Variants in GPHN observed in about 807,000 individuals in gnomAD.
GPHN encodes the protein gephyrin.
GPHN carries 17 observed loss-of-function variants against 95.5 expected under a neutral mutation model. The ratio of observed to expected loss-of-function variants is 0.18; its 90% CI spans 0.12 to 0.27. The LOEUF (loss-of-function observed/expected upper bound fraction) is 0.27. Ranked by LOEUF, GPHN falls within the 10% of genes least tolerant of loss-of-function variation. GPHN has a pLI of 1.00. For synonymous variants in GPHN, 320 were observed against 322.5 expected (o/e 0.99, Z 0.08); for missense variants, 660 against 978.1 (o/e 0.67, Z 4.34).
At chr14:67,478,868 C>T in the GPHN span, among the ~76,000 whole-genome samples, 6 of 152,258 alleles carry the variant, frequency 3.9e-5, no homozygotes, top group Non-Finnish European at 8.8e-5. Flanking sequence ...AACGCCAGCA[C>T]CAGCAGCCTC....
the GPHN span, chr14:67,562,965 CATGCACTG>C: frequency 6.8e-7 from 1 of 1,477,250 alleles, no homozygotes; most frequent in Non-Finnish European, 9.1e-7. Context: ...TGAGCACAGC[CATGCACTG>C]AGCAGGAGAG....
chr14:67,358,884 C>G, the GPHN span, among the ~76,000 whole-genome samples: 1 of 152,182 alleles, frequency 6.6e-6, no homozygotes, highest in Admixed American at 6.5e-5. Flanking sequence ...TGAGCGTATT[C>G]CCAAGCATGA....
intron 1 of GPHN, among the ~76,000 whole-genome samples, chr14:66,554,443 G>A (rs1184181010): frequency 6.6e-6 from 1 of 152,162 alleles, no homozygotes; most frequent in Non-Finnish European, 1.5e-5. Context: ...ACATGGCTAG[G>A]GAGGCCTCAG....
At chr14:66,732,500 T>A (rs1365387321) in intron 2 of GPHN, among the ~76,000 whole-genome samples, 1 of 152,240 alleles carries the variant, frequency 6.6e-6, no homozygotes, top group Non-Finnish European at 1.5e-5. Context: ...TGTGCCACCA[T>A]TGTAACTTAA....
At chr14:67,152,312 C>T (rs1283357899) in intron 18 of GPHN, among the ~76,000 whole-genome samples, 1 of 152,064 alleles carries the variant, frequency 6.6e-6, no homozygotes, top group Non-Finnish European at 1.5e-5. Context: ...TATTATTGAA[C>T]CTTCACTATA....
chr14:66,617,647 C>G (rs1345277459), intron 1 of GPHN, among the ~76,000 whole-genome samples: 2 of 152,188 alleles, frequency 1.3e-5, no homozygotes, highest in South Asian at 4.1e-4. Context: ...TGTTTCTACT[C>G]TGCCATCTAG....
At chr14:67,393,029 G>T in the GPHN span, 1 of 922,656 alleles carries the variant, frequency 1.1e-6, no homozygotes, top group Non-Finnish European at 1.8e-6. Flanking sequence ...GCCATCTCAG[G>T]CTAGCCTGTT....
chr14:67,446,021 T>C, the GPHN span: 6 of 517,472 alleles, frequency 1.2e-5, no homozygotes, highest in South Asian at 8.4e-5. Flanking sequence ...CCAGATCTTT[T>C]GTTCATTTTA....
chr14:67,581,091 C>T, the GPHN span: 2 of 1,134,672 alleles, frequency 1.8e-6, no homozygotes, highest in African/African-American at 3.0e-5. Context: ...CCACTGGGTG[C>T]CAGCTCATCG....
At chr14:66,508,716 G>A (rs532459476) in intron 1 of GPHN, 125 bp downstream of exon 1, 3 of 877,592 alleles carry the variant, frequency 3.4e-6, no homozygotes, top group Non-Finnish European at 5.8e-6. Flanking sequence ...GGAACCGCGG[G>A]GGTGCATTTT....
At position 67,149,977 on chromosome 14, in the gene GPHN, A is replaced by G. The variant is rs530417180; in HGVS notation, c.1836+6528A>G. Among the ~76,000 whole-genome samples, 19 of 152,276 alleles carry G rather than the reference A, an allele frequency of 1.2e-4. No homozygotes were observed. The South Asian group carries it at 3.9e-3, about 32-fold the overall frequency. ...ATAACTATATTCTTTTTAAAAAGCT[A>G]ATAACTTAAAATGATGCTTAATAAT... On this transcript the variant is annotated intron_variant, in intron 18 of 22. Transcript: ENST00000478722.
the GPHN span, among the ~76,000 whole-genome samples, chr14:67,219,028 A>G: frequency 1.3e-5 from 2 of 151,882 alleles, no homozygotes; most frequent in Non-Finnish European, 2.9e-5. Context: ...TGCGGTGGCC[A>G]GTGGCCCCCC....
At chr14:66,773,767 T>TCACTGTG in intron 2 of GPHN, among the ~76,000 whole-genome samples, 1 of 152,214 alleles carries the variant, frequency 6.6e-6, no homozygotes, top group South Asian at 2.1e-4. Context: ...AAGTGGACTC[T>TCACTGTG]CACTGTGTTG....
intron 9 of GPHN, among the ~76,000 whole-genome samples, chr14:66,986,908 TTGTG>T (rs2071067010): frequency 6.6e-6 from 1 of 152,176 alleles, no homozygotes. Context: ...GTTTATTTGT[TTGTG>T]TGTGCGCACG....
intron 1 of GPHN, among the ~76,000 whole-genome samples, chr14:66,548,925 A>T (rs560578558): frequency 2.6e-5 from 4 of 152,304 alleles, no homozygotes; most frequent in Admixed American, 2.0e-4. Context: ...GAAAATAACA[A>T]ATTTTCATAT....
At chr14:66,949,890 G>C (rs887497399) in intron 8 of GPHN, among the ~76,000 whole-genome samples, 1 of 150,812 alleles carries the variant, frequency 6.6e-6, no homozygotes, top group Non-Finnish European at 1.5e-5. Flanking sequence ...GCATTCAAAA[G>C]GGGAAACAAT....
At chr14:67,032,273 C>G (rs563293264) in intron 10 of GPHN, among the ~76,000 whole-genome samples, 1 of 152,238 alleles carries the variant, frequency 6.6e-6, no homozygotes, top group Admixed American at 6.5e-5. Flanking sequence ...GATGGAACTA[C>G]CACAGTTTGA....
At chr14:67,256,797 G>GACACACACACACACAC in the GPHN span, among the ~76,000 whole-genome samples, 991 of 147,756 alleles carry the variant, frequency 6.7e-3, 15 homozygotes, top group South Asian at 0.055. Context: ...AGAAACTATT[G>GACACACACACACACAC]ACACACACAC....
chr14:67,295,104 AGTGTGTGTGT>A, the GPHN span: 3 of 138,012 alleles, frequency 2.2e-5, no homozygotes, highest in East Asian at 2.5e-4. Flanking sequence ...GAGATATTGA[AGTGTGTGTGT>A]GTGTGTGTGT....
Sources: gnomAD v4.1 joint callset for allele counts (sites outside exome capture counted in the v4.1 genomes callset) on GRCh38, gnomAD v4.1.1 for gene constraint, MANE v1.5 for transcripts, NCBI Gene and HGNC (gene_info 2026-07-23, HGNC 2026-07-21) for gene names.